Variants in SCRT2 observed in about 807,000 individuals in gnomAD.
The protein encoded by SCRT2 is transcriptional repressor scratch 2.
In SCRT2, 2 loss-of-function variants were observed where a neutral mutation model predicts 3.7. That is an observed-to-expected ratio of 0.54 (90% confidence interval 0.22 to 1.70). The LOEUF is 1.70. Ranked by LOEUF, SCRT2 falls within the 40% of genes most tolerant of loss-of-function variation. The probability of loss-of-function intolerance (pLI) is 0.19; values close to 1 mark genes in which losing one functional copy is unlikely to be tolerated. For synonymous variants in SCRT2, 256 were observed against 220.6 expected (o/e 1.16, Z -1.42); for missense variants, 456 against 468.5 (o/e 0.97, Z 0.25).
In SCRT2 at chr20:675,507, T is replaced by C; in HGVS notation, c.95A>G (p.Tyr32Cys). Residue 32 changes from tyrosine to cysteine, a missense_variant, in exon 1 of 2, where the codon TAC (tyrosine) becomes TGC (cysteine). This residue lies in a region of SCRT2 where 306 missense variants were observed against 305.3 expected (regional missense o/e 1.00). Coordinates refer to ENST00000246104, the MANE Select transcript of SCRT2 (RefSeq NM_033129.4). The surrounding 1 kb of genome is among the most constrained non-coding windows in gnomAD (Gnocchi z 6.9). The stretch of plus-strand genomic sequence containing the variant: ...AGGCCCCCGGGCGCCAGGCAGCACG[T>C]AGGCTGTCTCCAAGGGGTGGTAGGT... Reference protein sequence around the residue: ...APTYHPLETAYVLPGARGPPG... With the variant: ...APTYHPLETACVLPGARGPPG... 1.4e-6 allele frequency: 2 copies of C among 1,384,246 alleles called. No homozygotes were observed. Among genetic ancestry groups the C allele is most frequent in the Non-Finnish European group, 1.9e-6 (2 of 1,064,434 alleles). 85.7% of individuals were successfully genotyped at this position (1,384,246 alleles called of 1,614,324 possible). A position where few individuals can be genotyped will look rare whatever the true frequency, so the allele number is the denominator to read the frequency against.
chr20:675,184 T>G lies in SCRT2; in HGVS notation c.133+285A>C, dbSNP rs1347492499. Among the ~76,000 whole-genome samples, 2 of 152,166 alleles carry G rather than the reference T, an allele frequency of 1.3e-5. No homozygotes were observed. Among genetic ancestry groups the G allele is most frequent in the African/African-American group, 4.8e-5 (2 of 41,450 alleles). ...TTCACGAGCAGCCCCGTCTGTGTTCTCTTGCCACCCCCTCACTCTAGCCCT... is the reference window on the plus strand; with the variant it reads ...TTCACGAGCAGCCCCGTCTGTGTTCGCTTGCCACCCCCTCACTCTAGCCCT... On this transcript the variant is annotated intron_variant, in intron 1 of 1. Coordinates refer to ENST00000246104, the MANE Select transcript of SCRT2 (RefSeq NM_033129.4). The surrounding 1 kb of genome is among the most constrained non-coding windows in gnomAD (Gnocchi z 6.9).
intron 1 of SCRT2, among the ~76,000 whole-genome samples, chr20:674,187 A>C (rs1478407773): frequency 1.3e-5 from 2 of 152,008 alleles, no homozygotes; most frequent in Non-Finnish European, 2.9e-5. Context: ...CCCTTTGCCC[A>C]GCACTCTCTC....
chr20:672,452 G>A (rs1984371250), intron 1 of SCRT2, among the ~76,000 whole-genome samples: 1 of 151,828 alleles, frequency 6.6e-6, no homozygotes, highest in Non-Finnish European at 1.5e-5. Flanking sequence ...TATGGAGGAG[G>A]AGCAGGAGTC....
At chr20:670,433 A>G (rs1490775044) in intron 1 of SCRT2, among the ~76,000 whole-genome samples, 1 of 150,404 alleles carries the variant, frequency 6.6e-6, no homozygotes, top group Non-Finnish European at 1.5e-5. Context: ...AGGGGAGTCC[A>G]CAGCTGGGAA....
chr20:664,401 T>C lies in SCRT2; in HGVS notation c.194A>G (p.Glu65Gly). 1.4e-6 allele frequency: 2 copies of C among 1,385,728 alleles called. No homozygotes were observed. The highest frequency in any genetic ancestry group is 1.9e-6 in the Non-Finnish European group (2 of 1,057,992). The allele number at this position is 1,385,728 out of a possible 1,614,324, so 85.8% of individuals were successfully genotyped here. A position where few individuals can be genotyped will look rare whatever the true frequency, so the allele number is the denominator to read the frequency against. The change falls in exon 2 of 2, where the codon GAG becomes GGG. Residue 65 changes from glutamate to glycine, a missense_variant. By Grantham distance (98) the Glu-to-Gly change is moderately conservative (BLOSUM62 -2). Around this residue, in one of 3 missense-constraint regions of SCRT2, gnomAD observed 306 missense variants for 305.3 expected, o/e 1.00. Transcript: ENST00000246104. This position sits in a 1 kb window ranked among gnomAD's most constrained non-coding sequence, Gnocchi z 7.9. ...GTACGCGGGCTCGGCCGGGGCCAGC[T>C]CCAGGCCCGGCTTCTGGTCCGCATC... The part of the protein sequence containing the change: ...SYDADQKPGL[E>G]LAPAEPAYPP...
rs115671275 is a variant in SCRT2 at position 675,105 on chromosome 20, C to T, written c.133+364G>A. ...CGGGCAGCCAGCTTCTCTTCCTCAA[C>T]GGGGGAGAGGGAACCCTCAAAGTGC... On this transcript the variant is annotated intron_variant, in intron 1 of 1. Transcript: ENST00000246104. The surrounding 1 kb of genome is among the most constrained non-coding windows in gnomAD (Gnocchi z 6.9). Among the ~76,000 whole-genome samples the T allele has an allele frequency of 3.4e-3, 511 of 152,174 alleles. 3 individuals carry two copies. Among genetic ancestry groups the T allele is most frequent in the African/African-American group, 0.011 (476 of 41,536 alleles).
rs1228907202 is a variant in SCRT2, at chr20:667,227, GA to G, written c.134-2767del. On this transcript the variant is annotated intron_variant, in intron 1 of 1. Coordinates refer to ENST00000246104, the MANE Select transcript of SCRT2 (RefSeq NM_033129.4). The surrounding 1 kb of genome is among the most constrained non-coding windows in gnomAD (Gnocchi z 4.4). ...ACACATGAAAGCATTCTACCCCCAT[GA>G]CACACAAGGTGGTAGGTACCCTTTT... Among the ~76,000 whole-genome samples, 6 of 152,178 alleles carry G rather than the reference GA, an allele frequency of 3.9e-5. No homozygotes were observed. Among genetic ancestry groups the G allele is most frequent in the Non-Finnish European group, 8.8e-5 (6 of 68,040 alleles).
At chr20:672,039 G>A (rs536489310) in intron 1 of SCRT2, among the ~76,000 whole-genome samples, 4 of 152,150 alleles carry the variant, frequency 2.6e-5, no homozygotes, top group Non-Finnish European at 5.9e-5. Flanking sequence ...AGGGCCTGGT[G>A]GAGTTGGAGG....
At chr20:671,867 C>T (rs1984343836) in intron 1 of SCRT2, among the ~76,000 whole-genome samples, 1 of 152,044 alleles carries the variant, frequency 6.6e-6, no homozygotes, top group South Asian at 2.1e-4. Context: ...GGGCCTGGCT[C>T]CAAGCTGGGG....
chr20:666,102 G>T lies in SCRT2; in HGVS notation c.134-1641C>A, dbSNP rs1300384580. ...TCTGTCCCTTCAGCAGCCAGCACAG[G>T]GCCCTCTGCACACAGAAGTCATTGT... On this transcript the variant is annotated intron_variant, in intron 1 of 1. Transcript: ENST00000246104. The surrounding 1 kb of genome is among the most constrained non-coding windows in gnomAD (Gnocchi z 4.4). 9.9e-5 allele frequency among the ~76,000 whole-genome samples: 15 copies of T among 152,200 alleles called. No homozygotes were observed. The highest frequency in any genetic ancestry group is 5.9e-5 in the Non-Finnish European group (4 of 68,036).
rs559226147 is a variant in SCRT2, at chr20:664,642, A to G, written c.134-181T>C. Among the ~76,000 whole-genome samples the G allele has an allele frequency of 6.6e-6, 1 of 152,126 alleles. No individual in the cohort carries two copies. The highest frequency in any genetic ancestry group is 2.4e-5 in the African/African-American group (1 of 41,430). On this transcript the variant is annotated intron_variant, in intron 1 of 1. Transcript: ENST00000246104. The surrounding 1 kb of genome is among the most constrained non-coding windows in gnomAD (Gnocchi z 7.9). ...CAGCCTGGGTTCAATTCCTTCCTCC[A>G]TCGACGGCAGTGCAAATAGCCGCCA...
In SCRT2 at chr20:664,279, A is replaced by G; in HGVS notation, c.316T>C (p.Tyr106His). 6.8e-7 allele frequency: 1 copy of G among 1,464,974 alleles called. No individual in the cohort carries two copies. The highest frequency in any genetic ancestry group is 1.4e-5 in the South Asian group (1 of 72,210). The allele number at this position is 1,464,974 out of a possible 1,614,324, so 90.7% of individuals were successfully genotyped here. The change falls in exon 2 of 2, where the codon TAC becomes CAC. Residue 106 changes from tyrosine to histidine, a missense_variant. Coordinates refer to ENST00000246104, the MANE Select transcript of SCRT2 (RefSeq NM_033129.4). This position sits in a 1 kb window ranked among gnomAD's most constrained non-coding sequence, Gnocchi z 7.9. ...GAGATGAAGAAGGCGTCCATGGAGT[A>G]GCTGTCGGTCACTGCCGCCTCCCCT... ...FRGEAAVTDS[Y>H]SMDAFFISDG...
At chr20:669,872 G>C (rs934319564) in intron 1 of SCRT2, among the ~76,000 whole-genome samples, 2 of 152,284 alleles carry the variant, frequency 1.3e-5, no homozygotes, top group East Asian at 3.9e-4. Flanking sequence ...CTCCTCCAAA[G>C]GCCTGGCAGC....
intron 1 of SCRT2, among the ~76,000 whole-genome samples, chr20:669,116 A>G (rs1169284770): frequency 3.2e-5 from 3 of 94,988 alleles, no homozygotes; most frequent in Non-Finnish European, 5.7e-5. Flanking sequence ...AACACTCCCT[A>G]GTTAGCCTGT....
intron 1 of SCRT2, among the ~76,000 whole-genome samples, chr20:672,001 C>T (rs1400518714): frequency 6.6e-6 from 1 of 151,916 alleles, no homozygotes; most frequent in Non-Finnish European, 1.5e-5. Flanking sequence ...TCCCAGTATC[C>T]TTCAGATGGG....
chr20:672,918 G>A (rs747037598), intron 1 of SCRT2, among the ~76,000 whole-genome samples: 4 of 151,912 alleles, frequency 2.6e-5, no homozygotes, highest in Admixed American at 2.0e-4. Context: ...CGGAGACAAC[G>A]GGCCACCAGG....
chr20:663,594 G>A lies in SCRT2; in HGVS notation c.*77C>T, dbSNP rs780896155. 1.6e-5 allele frequency: 20 copies of A among 1,255,762 alleles called. No individual in the cohort carries two copies. Among genetic ancestry groups the A allele is most frequent in the African/African-American group, 9.5e-5 (6 of 63,320 alleles). The allele number at this position is 1,255,762 out of a possible 1,614,324, so 77.8% of individuals were successfully genotyped here. A position where few individuals can be genotyped will look rare whatever the true frequency, so the allele number is the denominator to read the frequency against. On this transcript the variant is annotated 3_prime_UTR_variant, in exon 2 of 2. Transcript: ENST00000246104. This position sits in a 1 kb window ranked among gnomAD's most constrained non-coding sequence, Gnocchi z 6.9. Reference sequence around the variant, plus strand: ...CAGGGAAACGCAGCCGGGGCTGGGCGAGGGCGCTGCGGGCGCAGGTAGGGG... The same window carrying A: ...CAGGGAAACGCAGCCGGGGCTGGGCAAGGGCGCTGCGGGCGCAGGTAGGGG...
At position 665,429 on chromosome 20, in the gene SCRT2, C is replaced by A. The variant is rs371135356; in HGVS notation, c.134-968G>T. On this transcript the variant is annotated intron_variant, in intron 1 of 1. Transcript: ENST00000246104. The surrounding 1 kb of genome is among the most constrained non-coding windows in gnomAD (Gnocchi z 5.0). ...TTCCTCGCACCTGCTCCCAAGCCTG[C>A]TCTAGAAGTCGTCGGAAGTCCGCAG... Among the ~76,000 whole-genome samples, 251 of 152,336 alleles carry A rather than the reference C, an allele frequency of 1.6e-3. 2 individuals are homozygous for A. Among genetic ancestry groups the A allele is most frequent in the African/African-American group, 5.4e-3 (224 of 41,584 alleles).
chr20:674,688 AGTGT>A (rs759385819), intron 1 of SCRT2, among the ~76,000 whole-genome samples: 2,798 of 129,338 alleles, frequency 0.022, 34 homozygotes, highest in South Asian at 0.052. Context: ...GAAGAGATGG[AGTGT>A]GTGTGTGTGT....
Sources: gnomAD v4.1 joint callset for allele counts (sites outside exome capture counted in the v4.1 genomes callset) on GRCh38, gnomAD v4.1.1 for gene constraint, gnomAD v4.1.1 regional missense constraint, Gnocchi (gnomAD v3.1) non-coding constraint, MANE v1.5 for transcripts, NCBI Gene and HGNC (gene_info 2026-07-23, HGNC 2026-07-21) for gene names.